SCCPDH: variants seen among roughly 807,000 people sequenced by gnomAD.
SCCPDH encodes saccharopine dehydrogenase-like oxidoreductase.
SCCPDH carries 34 observed loss-of-function variants against 51.5 expected under a neutral mutation model. The observed-to-expected ratio is 0.66, with a 90% CI of 0.50 to 0.88. The LOEUF (loss-of-function observed/expected upper bound fraction) is 0.88, where lower values mean the gene tolerates loss of function less well. SCCPDH is among the 40% of genes least tolerant of loss of function. SCCPDH has a pLI of 0.00. For missense variants in SCCPDH, 464 were observed against 527.1 expected, an observed-to-expected ratio of 0.88 and a Z score of 1.17; for synonymous variants, 187 against 191.3, an observed-to-expected ratio of 0.98 and a Z score of 0.19.
chr1:246,760,168 T>G lies in SCCPDH; in HGVS notation c.934-3T>G. 1 of 1,606,898 alleles carries G rather than the reference T, an allele frequency of 6.2e-7. No individual in the cohort carries two copies. The highest frequency in any genetic ancestry group is 1.3e-5 in the African/African-American group (1 of 74,514). ...ATCACTGACGGTTTTTTTTTCCCTT[T>G]AGTTCCCATGGTTCTTCTCCTTTGG... is the stretch of plus-strand genomic sequence containing the variant. On this transcript the variant is annotated splice_region_variant and splice_polypyrimidine_tract_variant and intron_variant, in intron 8 of 11. Transcript: ENST00000366510.
chr1:246,758,088 C>T, intron 5 of SCCPDH, 138 bp from the exon 6 acceptor site: 1 of 632,822 alleles, frequency 1.6e-6, no homozygotes, highest in East Asian at 3.1e-5. Context: ...TGAAAATTCT[C>T]CTCAAGATTA....
chr1:246,764,681 C>T (rs1457127894), intron 10 of SCCPDH, among the ~76,000 whole-genome samples: 5 of 152,206 alleles, frequency 3.3e-5, no homozygotes, highest in African/African-American at 4.8e-5. Flanking sequence ...ATTATAATGT[C>T]AGTCAAATCT....
intron 3 of SCCPDH, among the ~76,000 whole-genome samples, chr1:246,739,073 TTG>T (rs1370539917): frequency 6.7e-6 from 1 of 150,368 alleles, no homozygotes; most frequent in South Asian, 2.1e-4. Context: ...TCGTGTGTGT[TTG>T]TGTATGTGCA....
At chr1:246,735,928 A>C (rs1431654161) in intron 2 of SCCPDH, 47 bp from the exon 3 acceptor site, 1 of 1,273,128 alleles carries the variant, frequency 7.9e-7, no homozygotes, top group African/African-American at 1.5e-5. Context: ...TTATTCATTT[A>C]AACTTGTCAA....
chr1:246,760,129 AG>A (rs758373362), intron 8 of SCCPDH, 41 bp from the exon 9 acceptor site: 106 of 1,594,610 alleles, frequency 6.6e-5, no homozygotes, highest in Non-Finnish European at 7.8e-5. Context: ...ATTTTCCATG[AG>A]TTTTAAAAAA....
At chr1:246,740,817 A>G (rs1668664829) in intron 4 of SCCPDH, among the ~76,000 whole-genome samples, 2 of 152,176 alleles carry the variant, frequency 1.3e-5, no homozygotes, top group Non-Finnish European at 2.9e-5. Flanking sequence ...GTGGTGGCTT[A>G]CACCCATAAT....
chr1:246,743,510 G>C (rs1051790022), intron 4 of SCCPDH, among the ~76,000 whole-genome samples: 1 of 151,818 alleles, frequency 6.6e-6, no homozygotes, highest in East Asian at 1.9e-4. Context: ...TTGATCCCAG[G>C]AGGTGGAGGT....
intron 2 of SCCPDH, 103 bp from the exon 3 acceptor site, chr1:246,735,872 A>G (rs945733881): frequency 9.6e-6 from 7 of 730,028 alleles, no homozygotes; most frequent in Non-Finnish European, 1.4e-5. Context: ...TTAACAGTTG[A>G]TTTCTTGATA....
chr1:246,766,516 C>T (rs143919028), intron 11 of SCCPDH, among the ~76,000 whole-genome samples: 44 of 152,252 alleles, frequency 2.9e-4, no homozygotes, highest in African/African-American at 9.1e-4. Flanking sequence ...CCCTGACTGA[C>T]ACCAGCATAA....
chr1:246,742,065 AAATG>A (rs768134626), intron 4 of SCCPDH, among the ~76,000 whole-genome samples: 2 of 149,842 alleles, frequency 1.3e-5, no homozygotes, highest in African/African-American at 4.8e-5. Context: ...ACTCCGTCTC[AAATG>A]AATGAATGAA....
intron 1 of SCCPDH, among the ~76,000 whole-genome samples, chr1:246,726,570 G>A (rs1431344309): frequency 6.6e-6 from 1 of 152,134 alleles, no homozygotes; most frequent in Non-Finnish European, 1.5e-5. Context: ...AGGAAGTCTG[G>A]ATAGTTATCT....
rs1005959157 is a variant in SCCPDH at position 246,766,067 on chromosome 1, A to G, written c.1112A>G (p.Tyr371Cys). 1.9e-6 allele frequency: 3 copies of G among 1,610,782 alleles called. No homozygotes were observed. In the African/African-American group the frequency reaches 4.0e-5, roughly 22 times the overall value. Reference protein sequence around the residue: ...CTQVKGPEAGYVATPIAMVQA... With the variant: ...CTQVKGPEAGCVATPIAMVQA... ...CAACTGTTTTCTGCAGAGGCTGGCTATGTGGCTACCCCCATAGCTATGGTT... is the reference window on the plus strand; with the variant it reads ...CAACTGTTTTCTGCAGAGGCTGGCTGTGTGGCTACCCCCATAGCTATGGTT... The change falls in exon 11 of 12, where the codon TAT becomes TGT. Residue 371 changes from tyrosine (Y) to cysteine (C), a missense_variant. Coordinates refer to ENST00000366510, the MANE Select transcript of SCCPDH (RefSeq NM_016002.3).
Position 246,767,780 on chromosome 1 carries a change from T to C in SCCPDH, c.*480T>C, listed in dbSNP as rs576531034. 6.6e-6 allele frequency: 1 copy of C among 152,390 alleles called. No individual in the cohort carries two copies. Among genetic ancestry groups the C allele is most frequent in the South Asian group, 2.1e-4 (1 of 4,828 alleles). The allele number at this position is 152,390 out of a possible 1,614,324, so 9.4% of individuals were successfully genotyped here. ...ATTTTTGCCTAGTTTTTCGCCAATC[T>C]ACACTGATTTTGGACTGTTACCTAA... On this transcript the variant is annotated 3_prime_UTR_variant, in exon 12 of 12. Coordinates refer to ENST00000366510, the MANE Select transcript of SCCPDH (RefSeq NM_016002.3).
At chr1:246,751,933 C>T (rs751419404) in intron 5 of SCCPDH, among the ~76,000 whole-genome samples, 11 of 119,484 alleles carry the variant, frequency 9.2e-5, no homozygotes, top group African/African-American at 2.1e-4. Context: ...CCACCACGCC[C>T]GGCTAATTTT....
chr1:246,750,493 T>C (rs931782595), intron 5 of SCCPDH, among the ~76,000 whole-genome samples: 4 of 152,082 alleles, frequency 2.6e-5, no homozygotes, highest in African/African-American at 9.7e-5. Context: ...CTAGACTAAT[T>C]TGGTTAGGTG....
intron 3 of SCCPDH, among the ~76,000 whole-genome samples, chr1:246,738,926 A>T (rs1272382906): frequency 6.6e-6 from 1 of 152,372 alleles, no homozygotes; most frequent in African/African-American, 2.4e-5. Flanking sequence ...CAAATGATTT[A>T]TGTAGCTTCT....
chr1:246,760,008 C>G lies in SCCPDH; in HGVS notation c.865C>G (p.Leu289Val). 8 of 1,613,528 alleles carry G rather than the reference C, an allele frequency of 5.0e-6. No homozygotes were observed. Among genetic ancestry groups the G allele is most frequent in the Non-Finnish European group, 6.8e-6 (8 of 1,179,570 alleles). ...GGGAGGCATCACCTCTGTTATTAAGCTGATGTTTGCAGGACTTTTCTTTTT... is the reference window on the plus strand; with the variant it reads ...GGGAGGCATCACCTCTGTTATTAAGGTGATGTTTGCAGGACTTTTCTTTTT... ...TVGGITSVIK[L>V]MFAGLFFLFF... Residue 289 changes from leucine (L) to valine (V), a missense_variant, in exon 8 of 12, where the codon CTG (leucine) becomes GTG (valine). Physicochemically the swap from Leu to Val is conservative, Grantham distance 32 (BLOSUM62 1). Transcript: ENST00000366510.
chr1:246,766,237 C>CAACCCCAA (rs1258701207), intron 11 of SCCPDH, 98 bp downstream of exon 11: 3 of 829,582 alleles, frequency 3.6e-6, no homozygotes, highest in African/African-American at 3.4e-5. Context: ...TGCATGTAAG[C>CAACCCCAA]ATTTATAGTT....
At chr1:246,740,099 A>T (rs1572296516) in intron 3 of SCCPDH, 73 bp from the exon 4 acceptor site, 2 of 1,219,892 alleles carry the variant, frequency 1.6e-6, no homozygotes, top group Non-Finnish European at 2.3e-6. Flanking sequence ...CTTTGTTTTT[A>T]AAGATAAATT....
Sources: allele counts gnomAD v4.1 joint callset (sites outside exome capture counted in the v4.1 genomes callset), GRCh38; gene constraint gnomAD v4.1.1; transcripts MANE v1.5; gene names NCBI Gene and HGNC (gene_info 2026-07-23, HGNC 2026-07-21).